Variants in ITPRID1 observed in about 807,000 individuals in gnomAD.
ITPRID1 encodes the protein protein ITPRID1.
A neutral mutation model predicts 95.4 loss-of-function variants in ITPRID1; 96 were observed. The observed-to-expected ratio is 1.01, with a 90% confidence interval of 0.85 to 1.19. ITPRID1 has a LOEUF of 1.19. Among genes scored for constraint, ITPRID1 ranks in the 50% most tolerant of loss-of-function variants. The probability of loss-of-function intolerance (pLI) is 0.00; values close to 1 mark genes in which losing one functional copy is unlikely to be tolerated. For synonymous variants in ITPRID1, 510 were observed against 453.6 expected (o/e 1.12, Z -1.58); for missense variants, 1,339 against 1,252.9 (o/e 1.07, Z -1.04).
chr7:31,588,693 G>T (rs1175646754), intron 10 of ITPRID1, among the ~76,000 whole-genome samples: 1 of 142,820 alleles, frequency 7.0e-6, no homozygotes, highest in East Asian at 2.1e-4. Context: ...TTGAGGAAAT[G>T]ATAATAGCTG....
At chr7:31,586,008 G>A (rs1484652403) in intron 10 of ITPRID1, among the ~76,000 whole-genome samples, 3 of 130,548 alleles carry the variant, frequency 2.3e-5, no homozygotes, top group Non-Finnish European at 3.2e-5. Context: ...TCCCACAACA[G>A]TCCCCAGAGT....
intron 10 of ITPRID1, among the ~76,000 whole-genome samples, chr7:31,619,334 A>G (rs1787575779): frequency 6.6e-6 from 1 of 152,216 alleles, no homozygotes; most frequent in South Asian, 2.1e-4. Context: ...CTAGGTGCCA[A>G]CAATGATTGG....
At position 31,553,177 on chromosome 7, in the gene ITPRID1, C is replaced by T; in HGVS notation, c.153C>T (p.Ile51=). 1 of 1,578,978 alleles carries T rather than the reference C, an allele frequency of 6.3e-7. No individual in the cohort carries two copies. The highest frequency in any genetic ancestry group is 8.6e-7 in the Non-Finnish European group (1 of 1,161,132). Residue 51 remains isoleucine (I), a synonymous_variant, in exon 3 of 15, where the codon ATC becomes ATT. Coordinates refer to ENST00000615280, the MANE Select transcript of ITPRID1 (RefSeq NM_001257967.3). ...DPEEESQSLT[I]PMLEDSKQES... ...AGGAGGAAAGCCAGAGTCTCACCATCCCCATGCTGGGTGAGAAGGACTCTC... is the reference window on the plus strand; with the variant it reads ...AGGAGGAAAGCCAGAGTCTCACCATTCCCATGCTGGGTGAGAAGGACTCTC...
intron 1 of ITPRID1, among the ~76,000 whole-genome samples, chr7:31,545,382 A>C (rs929042190): frequency 6.6e-6 from 1 of 152,026 alleles, no homozygotes; most frequent in African/African-American, 2.4e-5. Context: ...CCCCTCCTCA[A>C]GATGAAGCAA....
chr7:31,597,512 A>G (rs1209368009), intron 10 of ITPRID1, among the ~76,000 whole-genome samples: 1 of 151,662 alleles, frequency 6.6e-6, no homozygotes, highest in Non-Finnish European at 1.5e-5. Context: ...CCCCACAACA[A>G]CAGATTCTTT....
At chr7:31,615,418 GA>G (rs1787110561) in intron 10 of ITPRID1, among the ~76,000 whole-genome samples, 1 of 152,098 alleles carries the variant, frequency 6.6e-6, no homozygotes, top group Admixed American at 6.6e-5. Context: ...AATGTGTTCA[GA>G]ATACCATGAA....
chr7:31,557,082 C>A (rs546626122), intron 5 of ITPRID1, among the ~76,000 whole-genome samples: 1 of 151,922 alleles, frequency 6.6e-6, no homozygotes, highest in African/African-American at 2.4e-5. Flanking sequence ...TATAAAGACA[C>A]CAGTCATTGG....
intron 12 of ITPRID1, among the ~76,000 whole-genome samples, chr7:31,645,038 G>C (rs1275972212): frequency 6.6e-6 from 1 of 152,038 alleles, no homozygotes; most frequent in African/African-American, 2.4e-5. Context: ...TATATGCCAG[G>C]TCCTTCCTCC....
Position 31,642,771 on chromosome 7 carries a change from C to T in ITPRID1, c.1401C>T (p.Asp467=). ...GCCACAGCTTAGTATCATCCCAGGACTGTCAGCTAGAGTCGGATGGGCCAG... is the reference window on the plus strand; with the variant it reads ...GCCACAGCTTAGTATCATCCCAGGATTGTCAGCTAGAGTCGGATGGGCCAG... ...DQSHSLVSSQ[D]CQLESDGPDS... is the part of the protein sequence containing the mutation. Residue 467 remains aspartate, a synonymous_variant, in exon 12 of 15, where the codon GAC becomes GAT. Transcript: ENST00000615280. 1 of 1,614,000 alleles carries T rather than the reference C, an allele frequency of 6.2e-7. No individual in the cohort carries two copies. Among genetic ancestry groups the T allele is most frequent in the East Asian group, 2.2e-5 (1 of 44,866 alleles).
At chr7:31,549,381 G>A in intron 1 of ITPRID1, 45 bp from the exon 2 acceptor site, 2 of 1,300,432 alleles carry the variant, frequency 1.5e-6, no homozygotes, top group Non-Finnish European at 2.0e-6. Context: ...TATTTTCTGT[G>A]AGACAAATGA....
intron 1 of ITPRID1, among the ~76,000 whole-genome samples, chr7:31,536,950 T>C (rs1783776183): frequency 6.6e-6 from 1 of 152,182 alleles, no homozygotes; most frequent in Non-Finnish European, 1.5e-5. Flanking sequence ...GAGGAGTTTC[T>C]TTTAGTTATT....
Position 31,549,495 on chromosome 7 carries a change from GA to G in ITPRID1, c.-27del. On this transcript the variant is annotated 5_prime_UTR_variant, in exon 2 of 15. Transcript: ENST00000615280. Reference sequence around the variant, plus strand: ...AAAAAGAAAGAAAACTGACCAATATGAGTGGTGATTGTTTTGGATATATTTT... The same window carrying G: ...AAAAAGAAAGAAAACTGACCAATATGGTGGTGATTGTTTTGGATATATTTT... The G allele has an allele frequency of 6.6e-7, 1 of 1,524,926 alleles. No individual in the cohort carries two copies. The highest frequency in any genetic ancestry group is 8.8e-7 in the Non-Finnish European group (1 of 1,141,480). The allele number at this position is 1,524,926 out of a possible 1,614,324, so 94.5% of individuals were successfully genotyped here.
intron 13 of ITPRID1, 100 bp downstream of exon 13, chr7:31,651,369 A>G: frequency 7.5e-7 from 1 of 1,339,970 alleles, no homozygotes; most frequent in African/African-American, 1.5e-5. Flanking sequence ...GAGCAGAGCT[A>G]ATGAGAAACC....
intron 10 of ITPRID1, among the ~76,000 whole-genome samples, chr7:31,619,178 T>G (rs1787558956): frequency 6.6e-6 from 1 of 152,224 alleles, no homozygotes; most frequent in African/African-American, 2.4e-5. Context: ...TCTTTGTAAG[T>G]ACAGGCAAGG....
intron 10 of ITPRID1, among the ~76,000 whole-genome samples, chr7:31,589,899 G>T (rs556842719): frequency 6.6e-6 from 1 of 152,162 alleles, no homozygotes; most frequent in East Asian, 1.9e-4. Flanking sequence ...GGGGGAGTTG[G>T]TAAATGAACA....
chr7:31,555,064 G>C (rs117810848), intron 5 of ITPRID1, 163 bp downstream of exon 5: 14 of 588,736 alleles, frequency 2.4e-5, no homozygotes, highest in South Asian at 6.8e-5. Flanking sequence ...ATATGACTGC[G>C]ACAAAAATGA....
intron 1 of ITPRID1, chr7:31,529,845 GT>G (rs746629704): frequency 7.9e-6 from 12 of 1,528,160 alleles, no homozygotes; most frequent in South Asian, 4.8e-5. Flanking sequence ...CTTATAATTT[GT>G]TTTTTTTCTT....
At chr7:31,611,260 G>A (rs76956234) in intron 10 of ITPRID1, among the ~76,000 whole-genome samples, 5,103 of 150,360 alleles carry the variant, frequency 0.034, 295 homozygotes, top group African/African-American at 0.12. Context: ...CCTCCTTTGC[G>A]GTATTATTGT....
At chr7:31,558,283 G>A (rs1189102699) in intron 5 of ITPRID1, among the ~76,000 whole-genome samples, 1 of 152,064 alleles carries the variant, frequency 6.6e-6, no homozygotes, top group Non-Finnish European at 1.5e-5. Flanking sequence ...CTCAGTCTGC[G>A]GTATTGTGTT....
Sources: allele counts gnomAD v4.1 joint callset (sites outside exome capture counted in the v4.1 genomes callset), GRCh38; gene constraint gnomAD v4.1.1; transcripts MANE v1.5; gene names NCBI Gene and HGNC (gene_info 2026-07-23, HGNC 2026-07-21).